FRMD4A: variants seen among roughly 807,000 people sequenced by gnomAD.
FRMD4A encodes FERM domain containing 4A, also known as FERM domain-containing protein 4A.
FRMD4A carries 29 observed loss-of-function variants against 129.1 expected under a neutral mutation model. That is an observed-to-expected ratio of 0.22 (90% CI 0.17 to 0.31). The LOEUF is 0.31. FRMD4A is among the 10% of genes least tolerant of loss of function. FRMD4A has a pLI of 1.00. For synonymous variants in FRMD4A, 634 were observed against 571.6 expected, an observed-to-expected ratio of 1.11 and a Z score of -1.56; for missense variants, 1,272 against 1,375.8, an observed-to-expected ratio of 0.92 and a Z score of 1.19.
chr10:14,072,778 C>G (rs1254444533), intron 2 of FRMD4A, among the ~76,000 whole-genome samples: 1 of 152,134 alleles, frequency 6.6e-6, no homozygotes, highest in Non-Finnish European at 1.5e-5. Flanking sequence ...TCTCCATTTG[C>G]TACATATTTA....
intron 15 of FRMD4A, among the ~76,000 whole-genome samples, chr10:13,676,427 T>A (rs2083998820): frequency 1.1e-5 from 1 of 89,902 alleles, no homozygotes; most frequent in Admixed American, 1.1e-4. Context: ...CACACCCAGC[T>A]ATTTTTTTTT....
intron 2 of FRMD4A, among the ~76,000 whole-genome samples, chr10:14,049,589 C>T (rs184135352): frequency 1.6e-3 from 249 of 152,234 alleles, no homozygotes; most frequent in African/African-American, 5.1e-3. Context: ...GGATTTTATC[C>T]GTTTCAGAGT....
At chr10:14,008,090 A>G (rs1228698351) in intron 2 of FRMD4A, 1 of 1,303,692 alleles carries the variant, frequency 7.7e-7, no homozygotes, top group African/African-American at 1.5e-5. Context: ...TCAGAGATCC[A>G]TAAGGAATTT....
intron 3 of FRMD4A, among the ~76,000 whole-genome samples, chr10:13,837,345 G>A (rs2093892527): frequency 6.6e-6 from 1 of 152,216 alleles, no homozygotes; most frequent in African/African-American, 2.4e-5. Context: ...AGCCCAGCAA[G>A]GTTCAGGGGC....
intron 2 of FRMD4A, among the ~76,000 whole-genome samples, chr10:14,109,483 T>TA (rs1837763679): frequency 6.6e-6 from 1 of 152,164 alleles, no homozygotes; most frequent in African/African-American, 2.4e-5. Context: ...TTAAAGGACA[T>TA]AAAAATAGAG....
At chr10:13,675,464 T>G (rs533537221) in intron 15 of FRMD4A, among the ~76,000 whole-genome samples, 1 of 152,308 alleles carries the variant, frequency 6.6e-6, no homozygotes, top group Non-Finnish European at 1.5e-5. Flanking sequence ...TACAGTGGCA[T>G]GATCTCGGCT....
At chr10:14,135,076 T>C (rs185859184) in intron 2 of FRMD4A, among the ~76,000 whole-genome samples, 1 of 152,248 alleles carries the variant, frequency 6.6e-6, no homozygotes, top group Non-Finnish European at 1.5e-5. Context: ...AGAAATATTT[T>C]AAAAGTAAGA....
chr10:13,944,334 C>G (rs1227190437), intron 2 of FRMD4A, among the ~76,000 whole-genome samples: 1 of 152,092 alleles, frequency 6.6e-6, no homozygotes, highest in Non-Finnish European at 1.5e-5. Context: ...AGGCTGCATG[C>G]TCCTTATGAG....
At chr10:14,254,610 T>C (rs1441676322) in intron 2 of FRMD4A, among the ~76,000 whole-genome samples, 1 of 152,078 alleles carries the variant, frequency 6.6e-6, no homozygotes, top group Non-Finnish European at 1.5e-5. Flanking sequence ...TGCCAACTTC[T>C]TAACCTCAAA....
At chr10:13,759,990 A>C (rs2092007579) in intron 8 of FRMD4A, among the ~76,000 whole-genome samples, 1 of 152,012 alleles carries the variant, frequency 6.6e-6, no homozygotes, top group African/African-American at 2.4e-5. Flanking sequence ...TTTATGTATT[A>C]CCCATGAACT....
intron 15 of FRMD4A, among the ~76,000 whole-genome samples, chr10:13,679,460 AAT>A (rs1564591075): frequency 1.5e-4 from 4 of 27,508 alleles, no homozygotes; most frequent in East Asian, 1.5e-3. Context: ...AAAAAAAAAA[AAT>A]ATATATATAT....
chr10:13,903,615 T>TA (rs771363021), intron 2 of FRMD4A, among the ~76,000 whole-genome samples: 3 of 151,854 alleles, frequency 2.0e-5, no homozygotes, highest in Non-Finnish European at 2.9e-5. Context: ...TGCACGCCTG[T>TA]AGTCCCAGCT....
intron 2 of FRMD4A, among the ~76,000 whole-genome samples, chr10:14,242,055 G>A (rs1304358574): frequency 2.0e-5 from 3 of 152,146 alleles, no homozygotes. Context: ...CTGTTGCCTA[G>A]CTCCATACTC....
intron 2 of FRMD4A, among the ~76,000 whole-genome samples, chr10:13,937,191 A>G (rs1360192230): frequency 1.3e-5 from 2 of 152,246 alleles, no homozygotes; most frequent in Admixed American, 6.5e-5. Flanking sequence ...CAGAAGCTAC[A>G]TGTCTTTAGA....
At chr10:14,091,559 G>A (rs1564282269) in intron 2 of FRMD4A, among the ~76,000 whole-genome samples, 1 of 152,154 alleles carries the variant, frequency 6.6e-6, no homozygotes, top group African/African-American at 2.4e-5. Flanking sequence ...TCAGCCTCCT[G>A]AGTAGCTGGG....
intron 3 of FRMD4A, among the ~76,000 whole-genome samples, chr10:13,854,405 T>A (rs1033019423): frequency 6.6e-6 from 1 of 152,006 alleles, no homozygotes; most frequent in Non-Finnish European, 1.5e-5. Context: ...CTCCTCTCAT[T>A]TTGATGAAGG....
chr10:14,083,101 T>C (rs982891555), intron 2 of FRMD4A: 2 of 152,142 alleles, frequency 1.3e-5, no homozygotes, highest in Non-Finnish European at 2.9e-5. Context: ...CTAAAACACT[T>C]CTGGAACCTT....
chr10:13,726,627 T>G (rs2089916023), intron 12 of FRMD4A, among the ~76,000 whole-genome samples: 1 of 152,164 alleles, frequency 6.6e-6, no homozygotes, highest in Admixed American at 6.5e-5. Context: ...GCGGGGATCC[T>G]TAGTTTGCAT....
chr10:14,159,652 A>G (rs1840777447), intron 2 of FRMD4A, among the ~76,000 whole-genome samples: 1 of 152,208 alleles, frequency 6.6e-6, no homozygotes, highest in Non-Finnish European at 1.5e-5. Flanking sequence ...ATGAAATCAC[A>G]AAAGAACCTG....
Sources: gnomAD v4.1 joint callset for allele counts (sites outside exome capture counted in the v4.1 genomes callset) on GRCh38, gnomAD v4.1.1 for gene constraint, MANE v1.5 for transcripts, NCBI Gene and HGNC (gene_info 2026-07-23, HGNC 2026-07-21) for gene names.